The following AGBL4 variants were observed in gnomAD, a reference collection of about 807,000 sequenced individuals.
The protein encoded by AGBL4 is cytosolic carboxypeptidase 6.
In AGBL4, 58 loss-of-function variants were observed where a neutral mutation model predicts 66.4. That is an observed-to-expected ratio of 0.87 (90% CI 0.71 to 1.09). The LOEUF (loss-of-function observed/expected upper bound fraction) is 1.09, where lower values mean the gene tolerates loss of function less well. Among genes scored for constraint, AGBL4 ranks in the 50% least tolerant of loss-of-function variants. AGBL4 has a pLI of 0.00. For missense variants in AGBL4, 579 were observed against 631.0 expected (o/e 0.92, Z 0.88); for synonymous variants, 234 against 222.9 (o/e 1.05, Z -0.44).
At chr1:49,976,813 C>T (rs1026326111) in intron 1 of AGBL4, among the ~76,000 whole-genome samples, 11 of 152,290 alleles carry the variant, frequency 7.2e-5, no homozygotes, top group African/African-American at 2.2e-4. Context: ...CCATCCCTGA[C>T]GCAGTCCTCT....
intron 5 of AGBL4, among the ~76,000 whole-genome samples, chr1:48,927,230 G>A (rs12757082): frequency 0.19 from 29,592 of 152,006 alleles, 3,290 homozygotes; most frequent in East Asian, 0.37. Flanking sequence ...GGTTTAATGG[G>A]CTAACAGTTC....
intron 11 of AGBL4, chr1:48,585,098 C>G (rs1274404528): frequency 1.3e-5 from 2 of 152,164 alleles, no homozygotes; most frequent in Non-Finnish European, 2.9e-5. Flanking sequence ...GCTGTGTTTA[C>G]TTTTGATAAA....
intron 1 of AGBL4, among the ~76,000 whole-genome samples, chr1:50,018,103 T>G (rs1337469765): frequency 1.8e-4 from 27 of 152,198 alleles, no homozygotes; most frequent in Admixed American, 1.8e-3. Flanking sequence ...AAATATTTAT[T>G]TAGGAATTGA....
chr1:49,972,718 T>C (rs1658239198), intron 1 of AGBL4, among the ~76,000 whole-genome samples: 1 of 152,200 alleles, frequency 6.6e-6, no homozygotes. Context: ...CATATTATTG[T>C]TGTTGTTAAT....
At chr1:49,194,293 T>G (rs1248104873) in intron 4 of AGBL4, among the ~76,000 whole-genome samples, 1 of 152,174 alleles carries the variant, frequency 6.6e-6, no homozygotes, top group Non-Finnish European at 1.5e-5. Context: ...TTTTTACCAT[T>G]TTTGATTTAC....
chr1:48,746,855 C>G (rs1447008151), intron 6 of AGBL4, among the ~76,000 whole-genome samples: 1 of 152,122 alleles, frequency 6.6e-6, no homozygotes, highest in East Asian at 1.9e-4. Context: ...GGCAAAACGG[C>G]AGATGAATGA....
chr1:48,632,624 A>G (rs1645610823), intron 9 of AGBL4, among the ~76,000 whole-genome samples: 1 of 152,150 alleles, frequency 6.6e-6, no homozygotes, highest in African/African-American at 2.4e-5. Flanking sequence ...GTGCCTCATC[A>G]TTCTACCTGG....
At chr1:48,591,014 A>C in intron 9 of AGBL4, 29 bp from the exon 10 acceptor site, 1 of 1,586,848 alleles carries the variant, frequency 6.3e-7, no homozygotes, top group Non-Finnish European at 8.6e-7. Flanking sequence ...ACAAATGAGA[A>C]GTCTGGGCTG....
At chr1:49,045,892 T>C in intron 4 of AGBL4, 92 bp from the exon 5 acceptor site, 3 of 1,075,154 alleles carry the variant, frequency 2.8e-6, no homozygotes, top group Non-Finnish European at 4.0e-6. Flanking sequence ...GGAGAAAAAC[T>C]GTAACATCAA....
intron 1 of AGBL4, among the ~76,000 whole-genome samples, chr1:49,949,947 C>A (rs1571942520): frequency 6.8e-6 from 1 of 147,358 alleles, no homozygotes; most frequent in Non-Finnish European, 1.5e-5. Context: ...AATGTGGAAA[C>A]AACCCAAATG....
chr1:49,328,430 G>A (rs985722427), intron 3 of AGBL4, among the ~76,000 whole-genome samples: 2 of 152,052 alleles, frequency 1.3e-5, no homozygotes, highest in African/African-American at 4.8e-5. Flanking sequence ...TTCTTGTCTT[G>A]GTTTTCTCAC....
chr1:48,535,027 C>A (rs41289172), intron 12 of AGBL4, 111 bp from the exon 13 acceptor site: 1 of 995,604 alleles, frequency 1.0e-6, no homozygotes, highest in Non-Finnish European at 1.5e-6. Context: ...AACACCCAAA[C>A]GGAGCATAGG....
chr1:48,755,994 G>A (rs1557951990), intron 6 of AGBL4, among the ~76,000 whole-genome samples: 3 of 152,118 alleles, frequency 2.0e-5, no homozygotes, highest in Non-Finnish European at 4.4e-5. Context: ...TACTGGCTGG[G>A]GGTGCCCGAG....
At chr1:49,429,091 T>C (rs184554375) in intron 3 of AGBL4, among the ~76,000 whole-genome samples, 8 of 152,310 alleles carry the variant, frequency 5.3e-5, no homozygotes, top group Non-Finnish European at 8.8e-5. Context: ...CCAGTGAAAA[T>C]CTTTCCAATA....
chr1:49,658,181 T>A, intron 3 of AGBL4, among the ~76,000 whole-genome samples: 1 of 151,734 alleles, frequency 6.6e-6, no homozygotes, highest in Non-Finnish European at 1.5e-5. Flanking sequence ...AACAACCCCA[T>A]CAAAAAGTGG....
chr1:49,184,904 GTGT>G (rs955127555), intron 4 of AGBL4, among the ~76,000 whole-genome samples: 51 of 152,174 alleles, frequency 3.4e-4, no homozygotes, highest in African/African-American at 1.2e-3. Context: ...TTTAAACATG[GTGT>G]TGGAGGCAAA....
chr1:49,478,769 A>T (rs551391334), intron 3 of AGBL4, among the ~76,000 whole-genome samples: 2 of 152,060 alleles, frequency 1.3e-5, no homozygotes, highest in Admixed American at 6.5e-5. Context: ...ATCAAAAATA[A>T]CTACAGCAAC....
chr1:50,010,403 T>C (rs1392574365), intron 1 of AGBL4, among the ~76,000 whole-genome samples: 1 of 151,834 alleles, frequency 6.6e-6, no homozygotes, highest in African/African-American at 2.4e-5. Flanking sequence ...GCAATCTCTA[T>C]CAAAATATCA....
intron 1 of AGBL4, among the ~76,000 whole-genome samples, chr1:49,883,934 T>A (rs1011946988): frequency 6.6e-6 from 1 of 151,986 alleles, no homozygotes; most frequent in African/African-American, 2.4e-5. Context: ...CTCAGAGAAA[T>A]AATATCTCAA....
Sources: gnomAD v4.1 joint callset for allele counts (sites outside exome capture counted in the v4.1 genomes callset) on GRCh38, gnomAD v4.1.1 for gene constraint, MANE v1.5 for transcripts, NCBI Gene and HGNC (gene_info 2026-07-23, HGNC 2026-07-21) for gene names.